OPRM1: variants seen among roughly 807,000 people sequenced by gnomAD.
The protein encoded by OPRM1 is mu-type opioid receptor.
A neutral mutation model predicts 31.8 loss-of-function variants in OPRM1; 27 were observed. The observed-to-expected ratio is 0.85, with a 90% confidence interval of 0.63 to 1.17. The LOEUF (loss-of-function observed/expected upper bound fraction) is 1.17, where lower values mean the gene tolerates loss of function less well. Among genes scored for constraint, OPRM1 ranks in the 50% most tolerant of loss-of-function variants. The probability of loss-of-function intolerance (pLI) is 0.00; values close to 1 mark genes in which losing one functional copy is unlikely to be tolerated. For missense variants in OPRM1, 536 were observed against 511.1 expected (o/e 1.05, Z -0.47); for synonymous variants, 196 against 189.9 (o/e 1.03, Z -0.26).
intron 1 of OPRM1, among the ~76,000 whole-genome samples, chr6:154,033,943 C>T (rs1225845148): frequency 6.6e-6 from 1 of 152,160 alleles, no homozygotes; most frequent in Non-Finnish European, 1.5e-5. Context: ...TAGCAGGAAT[C>T]GAAACAGTGA....
At position 154,118,892 on chromosome 6, in the gene OPRM1, G is replaced by C; in HGVS notation, c.*171G>C. On this transcript the variant is annotated 3_prime_UTR_variant, in exon 4 of 4. Coordinates refer to ENST00000330432, the MANE Select transcript of OPRM1 (RefSeq NM_000914.5). Reference sequence around the variant, plus strand: ...CTCTGCTCTGCACATTAGAGGGACAGCCAAAAGTAAGTGGAGCATTTGGAA... The same window carrying C: ...CTCTGCTCTGCACATTAGAGGGACACCCAAAAGTAAGTGGAGCATTTGGAA... 1 of 1,429,154 alleles carries C rather than the reference G, an allele frequency of 7.0e-7. No individual in the cohort carries two copies. The highest frequency in any genetic ancestry group is 9.1e-7 in the Non-Finnish European group (1 of 1,096,270). The allele number at this position is 1,429,154 out of a possible 1,614,324, so 88.5% of individuals were successfully genotyped here.
intron 3 of OPRM1, among the ~76,000 whole-genome samples, chr6:154,203,264 G>A (rs1027066028): frequency 6.6e-6 from 1 of 152,078 alleles, no homozygotes; most frequent in Non-Finnish European, 1.5e-5. Context: ...TCGTGTGTCT[G>A]TTCAAACACC....
intron 3 of OPRM1, among the ~76,000 whole-genome samples, chr6:154,176,642 A>G (rs937595449): frequency 3.9e-5 from 6 of 152,226 alleles, no homozygotes; most frequent in African/African-American, 9.6e-5. Context: ...AAGGAGAACT[A>G]CAAACCACTG....
intron 1 of OPRM1, among the ~76,000 whole-genome samples, chr6:154,024,911 A>G (rs1180480140): frequency 6.6e-6 from 1 of 151,936 alleles, no homozygotes; most frequent in Non-Finnish European, 1.5e-5. Flanking sequence ...GAGATGCTTG[A>G]TATTTAATTT....
chr6:154,195,143 C>CTTTTTT (rs1162086187), intron 3 of OPRM1, among the ~76,000 whole-genome samples: 3 of 133,546 alleles, frequency 2.2e-5, no homozygotes, highest in African/African-American at 8.9e-5. Flanking sequence ...TTTTTCTTTT[C>CTTTTTT]TTTCTTTTTT....
At chr6:154,188,377 A>C (rs1477339192) in intron 3 of OPRM1, among the ~76,000 whole-genome samples, 2 of 152,354 alleles carry the variant, frequency 1.3e-5, no homozygotes, top group East Asian at 3.9e-4. Context: ...AGAGAGGTAA[A>C]GAGACCAATT....
intron 3 of OPRM1, among the ~76,000 whole-genome samples, chr6:154,178,496 T>C (rs895055326): frequency 2.0e-5 from 3 of 152,174 alleles, no homozygotes; most frequent in African/African-American, 7.2e-5. Context: ...TCGAAGGGTA[T>C]CTTCCTCCCC....
At chr6:154,066,259 A>C (rs1785379445) in intron 1 of OPRM1, among the ~76,000 whole-genome samples, 1 of 152,034 alleles carries the variant, frequency 6.6e-6, no homozygotes, top group African/African-American at 2.4e-5. Flanking sequence ...TCTGTCTTTG[A>C]TGTTAGGGTA....
At chr6:154,078,343 T>C (rs1788328038) in intron 1 of OPRM1, among the ~76,000 whole-genome samples, 1 of 152,190 alleles carries the variant, frequency 6.6e-6, no homozygotes, top group African/African-American at 2.4e-5. Context: ...TAATATCCAT[T>C]GCATATATTC....
Position 154,180,554 on chromosome 6 carries a change from C to A in OPRM1, c.1165-66139C>A, listed in dbSNP as rs187338143. 4.1e-3 allele frequency among the ~76,000 whole-genome samples: 628 copies of A among 152,022 alleles called. 8 individuals are homozygous for A. Among genetic ancestry groups the A allele is most frequent in the African/African-American group, 0.014 (591 of 41,448 alleles). On this transcript the variant is annotated intron_variant, in intron 3 of 3. Coordinates refer to the OPRM1 transcript ENST00000337049. Reference sequence around the variant, plus strand: ...GCTCCCTTCTCCTCCTCTTCCATACCCCAGTCTATTGTCTGCTCTGACAGC... The same window carrying A: ...GCTCCCTTCTCCTCCTCTTCCATACACCAGTCTATTGTCTGCTCTGACAGC...
chr6:154,044,600 A>G (rs1244190474), intron 1 of OPRM1, among the ~76,000 whole-genome samples: 2 of 152,172 alleles, frequency 1.3e-5, no homozygotes, highest in African/African-American at 4.8e-5. Flanking sequence ...TTTAATTAAT[A>G]TTTAGGTATA....
At chr6:154,223,313 T>C in intron 3 of OPRM1, 1 of 1,156,048 alleles carries the variant, frequency 8.7e-7, no homozygotes, top group Non-Finnish European at 1.3e-6. Flanking sequence ...TGAGATCATA[T>C]ACATGGAATA....
intron 1 of OPRM1, among the ~76,000 whole-genome samples, chr6:154,084,322 A>G (rs1207432127): frequency 1.3e-5 from 2 of 152,162 alleles, no homozygotes; most frequent in Non-Finnish European, 2.9e-5. Context: ...TAGCAACCTA[A>G]TATATAGTCT....
At chr6:154,053,186 GTGC>G (rs1392447082) in intron 1 of OPRM1, among the ~76,000 whole-genome samples, 2 of 152,174 alleles carry the variant, frequency 1.3e-5, no homozygotes, top group African/African-American at 4.8e-5. Context: ...TCTTAAGTAA[GTGC>G]AGTTTGCTAG....
intron 3 of OPRM1, among the ~76,000 whole-genome samples, chr6:154,109,347 A>T (rs1377558403): frequency 2.6e-5 from 4 of 152,238 alleles, no homozygotes; most frequent in Admixed American, 6.5e-5. Flanking sequence ...CAAAAAAAAT[A>T]AAATGTAAGC....
At position 154,091,874 on chromosome 6, in the gene OPRM1, C is replaced by T. The variant is rs956851057; in HGVS notation, c.1164+402C>T. On this transcript the variant is annotated intron_variant, in intron 3 of 3. Transcript: ENST00000330432. ...TTATTTCTCAAAAGCCAGTCTTGCT[C>T]TGGTTCTGTGATTAAAGAGAGAGGG... is the stretch of plus-strand genomic sequence containing the variant. 13 of 994,132 alleles carry T rather than the reference C, an allele frequency of 1.3e-5. No individual in the cohort carries two copies. In the Admixed American group the frequency reaches 5.9e-4, roughly 45 times the overall value. The allele number at this position is 994,132 out of a possible 1,614,324, so 61.6% of individuals were successfully genotyped here. A position where few individuals can be genotyped will look rare whatever the true frequency, so the allele number is the denominator to read the frequency against.
At chr6:154,208,612 A>G (rs1054833040) in intron 3 of OPRM1, among the ~76,000 whole-genome samples, 1 of 152,234 alleles carries the variant, frequency 6.6e-6, no homozygotes, top group African/African-American at 2.4e-5. Flanking sequence ...CTGGCTCTCA[A>G]TAAATACTTC....
chr6:154,133,019 G>C (rs1343055600), downstream of OPRM1, among the ~76,000 whole-genome samples: 1 of 151,958 alleles, frequency 6.6e-6, no homozygotes, highest in Non-Finnish European at 1.5e-5. Context: ...TACTCGGGAG[G>C]CTGAGGCAGG....
intron 3 of OPRM1, among the ~76,000 whole-genome samples, chr6:154,113,255 G>A (rs1796531553): frequency 6.6e-6 from 1 of 152,182 alleles, no homozygotes; most frequent in Non-Finnish European, 1.5e-5. Context: ...TCTGATGCTG[G>A]GGAACAGTAC....
Sources: allele counts gnomAD v4.1 joint callset (sites outside exome capture counted in the v4.1 genomes callset), GRCh38; gene constraint gnomAD v4.1.1; transcripts MANE v1.5; gene names NCBI Gene and HGNC (gene_info 2026-07-23, HGNC 2026-07-21).